Variants in DMD observed in about 807,000 individuals in gnomAD.
DMD encodes mutant dystrophin.
Under a neutral mutation model 330.1 loss-of-function variants are expected in DMD, and 63 were observed. That is an observed-to-expected ratio of 0.19 (90% CI 0.16 to 0.24). DMD has a LOEUF of 0.24. Among genes scored for constraint, DMD ranks in the 10% least tolerant of loss-of-function variants. The pLI is 1.00. For missense variants in DMD, 3,344 were observed against 2,684.1 expected (o/e 1.25, Z -5.43); for synonymous variants, 1,223 against 959.8 (o/e 1.27, Z -5.07).
At chrX:33,120,377 C>T (rs186644736) in intron 1 of DMD, among the ~76,000 whole-genome samples, 1 of 111,430 alleles carries the variant, frequency 9.0e-6, no homozygotes, top group East Asian at 2.8e-4. Flanking sequence ...TGGCTGCGTG[C>T]TTTTTTCAAG....
At chrX:32,183,424 G>T (rs1164088415) in intron 44 of DMD, among the ~76,000 whole-genome samples, 2 of 109,425 alleles carry the variant, frequency 1.8e-5, no homozygotes, top group Non-Finnish European at 3.8e-5. Context: ...ATTCTTCTCT[G>T]ATCTACTCAT....
intron 67 of DMD, among the ~76,000 whole-genome samples, chrX:31,189,630 T>C (rs1382152633): frequency 8.9e-6 from 1 of 111,919 alleles, no homozygotes; most frequent in Non-Finnish European, 1.9e-5. Context: ...GATACCTCCT[T>C]AATTTCTTTC....
At chrX:33,249,428 G>A (rs1251326546) in intron 1 of DMD, among the ~76,000 whole-genome samples, 1 of 112,176 alleles carries the variant, frequency 8.9e-6, no homozygotes, top group Non-Finnish European at 1.9e-5. Context: ...TGGTATTACA[G>A]GCATGAGCCA....
At position 32,428,800 on chromosome X, in the gene DMD, C is replaced by T. The variant is rs144292175; in HGVS notation, c.4071+9441G>A. ...TTAATTTTTGTATTTTTAGCAGAGA[C>T]GGGGTTTCACCATGCTGCCCAGATT... On this transcript the variant is annotated intron_variant, in intron 29 of 78. Coordinates refer to ENST00000357033, the MANE Select transcript of DMD (RefSeq NM_004006.3). 8.1e-3 allele frequency among the ~76,000 whole-genome samples: 902 copies of T among 111,055 alleles called. 12 individuals carry two copies. The highest frequency in any genetic ancestry group is 0.028 in the African/African-American group (856 of 30,532).
chrX:33,262,354 A>G (rs1482524294), intron 1 of DMD, among the ~76,000 whole-genome samples: 1 of 111,381 alleles, frequency 9.0e-6, no homozygotes, highest in East Asian at 2.8e-4. Context: ...TTATACGACA[A>G]TAAGAGTTCC....
At chrX:32,378,968 G>C (rs918341707) in intron 34 of DMD, among the ~76,000 whole-genome samples, 2 of 108,656 alleles carry the variant, frequency 1.8e-5, no homozygotes, top group African/African-American at 6.7e-5. Flanking sequence ...GACTGGCTTA[G>C]ATCTGCAGGG....
At chrX:31,937,034 G>A (rs1346116188) in intron 45 of DMD, among the ~76,000 whole-genome samples, 1 of 111,098 alleles carries the variant, frequency 9.0e-6, no homozygotes, top group Non-Finnish European at 1.9e-5. Context: ...TCCCACTTTA[G>A]TTATTCTAAC....
intron 1 of DMD, among the ~76,000 whole-genome samples, chrX:33,034,978 G>A (rs917713403): frequency 9.0e-6 from 1 of 111,341 alleles, no homozygotes; most frequent in African/African-American, 3.3e-5. Flanking sequence ...CTTTCAATAC[G>A]ACTATGGAAT....
At chrX:31,946,415 C>A (rs1462639859) in intron 45 of DMD, among the ~76,000 whole-genome samples, 1 of 111,607 alleles carries the variant, frequency 9.0e-6, no homozygotes, top group Non-Finnish European at 1.9e-5. Context: ...TTCTACATTA[C>A]CTCTGGGCAT....
At chrX:33,146,775 A>G (rs935239422) in intron 1 of DMD, among the ~76,000 whole-genome samples, 1 of 111,938 alleles carries the variant, frequency 8.9e-6, no homozygotes, top group African/African-American at 3.2e-5. Context: ...TAAGGAATCA[A>G]GGTGAGGGCA....
chrX:32,531,562 C>T (rs2047479949), intron 17 of DMD, among the ~76,000 whole-genome samples: 1 of 111,340 alleles, frequency 9.0e-6, no homozygotes, highest in South Asian at 3.7e-4. Flanking sequence ...AACTTAATCG[C>T]TCAAGAAACC....
chrX:31,657,102 G>A (rs1238247805), intron 54 of DMD, among the ~76,000 whole-genome samples: 2 of 111,597 alleles, frequency 1.8e-5, no homozygotes, highest in African/African-American at 6.5e-5. Context: ...AAAAATCACC[G>A]AGCTTATTTT....
At chrX:31,776,005 A>T (rs2090635344) in intron 50 of DMD, among the ~76,000 whole-genome samples, 1 of 112,457 alleles carries the variant, frequency 8.9e-6, no homozygotes, top group Non-Finnish European at 1.9e-5. Flanking sequence ...AAGCTATCTG[A>T]CTACTCTGAG....
chrX:32,630,227 T>C (rs974859945), intron 11 of DMD, among the ~76,000 whole-genome samples: 3 of 111,900 alleles, frequency 2.7e-5, no homozygotes, highest in Non-Finnish European at 5.6e-5. Flanking sequence ...AAAAGTCTTT[T>C]CCTTCAGCAC....
chrX:31,765,963 A>G (rs753927347), intron 51 of DMD, among the ~76,000 whole-genome samples: 3 of 111,535 alleles, frequency 2.7e-5, no homozygotes, highest in East Asian at 5.6e-4. Flanking sequence ...TTACCCTAAC[A>G]TTAAAGGTAA....
chrX:31,969,422 T>C (rs2095379431), intron 44 of DMD, among the ~76,000 whole-genome samples: 2 of 111,734 alleles, frequency 1.8e-5, no homozygotes, highest in South Asian at 7.4e-4. Flanking sequence ...TGAAATAATA[T>C]CTGAGAACTT....
At chrX:32,404,856 AG>A (rs2098108479) in intron 30 of DMD, among the ~76,000 whole-genome samples, 1 of 111,848 alleles carries the variant, frequency 8.9e-6, no homozygotes. Flanking sequence ...AAAGCCAAGC[AG>A]AGTTCAGCCT....
intron 44 of DMD, among the ~76,000 whole-genome samples, chrX:32,159,864 C>T (rs925644507): frequency 8.9e-6 from 1 of 111,979 alleles, no homozygotes; most frequent in Non-Finnish European, 1.9e-5. Context: ...ACCCTGAGCA[C>T]TTGCTAGAAA....
At chrX:31,367,867 GTAT>G (rs891026441) in intron 60 of DMD, among the ~76,000 whole-genome samples, 2 of 111,540 alleles carry the variant, frequency 1.8e-5, no homozygotes, top group African/African-American at 3.3e-5. Flanking sequence ...TTGAATTCTT[GTAT>G]TATTATTATT....
Sources: allele counts gnomAD v4.1 joint callset (sites outside exome capture counted in the v4.1 genomes callset), GRCh38; gene constraint gnomAD v4.1.1; transcripts MANE v1.5; gene names NCBI Gene and HGNC (gene_info 2026-07-23, HGNC 2026-07-21).